The following TMPRSS11D variants were observed in gnomAD, a reference collection of about 807,000 sequenced individuals.
The protein encoded by TMPRSS11D is transmembrane protease serine 11D.
A neutral mutation model predicts 44.4 loss-of-function variants in TMPRSS11D; 32 were observed. The observed-to-expected ratio is 0.72, with a 90% CI of 0.54 to 0.97. The LOEUF is 0.97. TMPRSS11D is among the 50% of genes least tolerant of loss of function. The probability of loss-of-function intolerance (pLI) is 0.00; values close to 1 mark genes in which losing one functional copy is unlikely to be tolerated. For missense variants in TMPRSS11D, 446 were observed against 502.6 expected, an observed-to-expected ratio of 0.89 and a Z score of 1.08; for synonymous variants, 179 against 177.9, an observed-to-expected ratio of 1.01 and a Z score of -0.05.
In TMPRSS11D at chr4:67,822,509, A is replaced by T; in HGVS notation, c.1096-11T>A. 6.2e-7 allele frequency: 1 copy of T among 1,613,698 alleles called. No homozygotes were observed. Among genetic ancestry groups the T allele is most frequent in the Non-Finnish European group, 8.5e-7 (1 of 1,179,758 alleles). ...GCCACCAGAGTCACCCTGTAAAAAA[A>T]CAGAATGACTGATTACTTAAGTGCA... On this transcript the variant is annotated splice_polypyrimidine_tract_variant and intron_variant, in intron 9 of 9. Coordinates refer to ENST00000283916, the MANE Select transcript of TMPRSS11D (RefSeq NM_004262.3).
intron 7 of TMPRSS11D, among the ~76,000 whole-genome samples, chr4:67,829,240 C>T (rs796757913): frequency 1.2e-4 from 18 of 152,028 alleles, no homozygotes; most frequent in East Asian, 5.8e-4. Context: ...TAGGGATGGA[C>T]GATATGGCTG....
At chr4:67,850,746 C>T (rs1303153714) in intron 3 of TMPRSS11D, among the ~76,000 whole-genome samples, 1 of 152,172 alleles carries the variant, frequency 6.6e-6, no homozygotes, top group African/African-American at 2.4e-5. Flanking sequence ...TGTGCACTTG[C>T]GTGTGTGCCT....
chr4:67,859,706 T>C (rs755028407), intron 1 of TMPRSS11D, 28 bp from the exon 2 acceptor site: 38 of 1,609,898 alleles, frequency 2.4e-5, no homozygotes, highest in Non-Finnish European at 3.1e-5. Context: ...TCAAAGAAAG[T>C]CATTCATTTC....
intron 1 of TMPRSS11D, among the ~76,000 whole-genome samples, chr4:67,865,526 A>C (rs965961915): frequency 6.6e-6 from 1 of 151,638 alleles, no homozygotes; most frequent in Non-Finnish European, 1.5e-5. Context: ...ACAAAGGATC[A>C]ATGAAAGAAA....
chr4:67,838,120 T>C (rs1189103875), intron 5 of TMPRSS11D, 52 bp downstream of exon 5: 13 of 1,375,076 alleles, frequency 9.5e-6, no homozygotes, highest in Non-Finnish European at 1.2e-5. Flanking sequence ...TTTGAATTGG[T>C]AAACTTGAGG....
chr4:67,850,519 G>A (rs181939241), intron 3 of TMPRSS11D, among the ~76,000 whole-genome samples: 13 of 152,218 alleles, frequency 8.5e-5, no homozygotes, highest in Admixed American at 5.9e-4. Context: ...GAAGTCCAAG[G>A]GATGTTAAGG....
intron 1 of TMPRSS11D, among the ~76,000 whole-genome samples, chr4:67,881,105 C>T (rs185977446): frequency 6.6e-6 from 1 of 152,136 alleles, no homozygotes; most frequent in Non-Finnish European, 1.5e-5. Flanking sequence ...CTTCTTTGCT[C>T]AAAAGAATGG....
In TMPRSS11D at chr4:67,821,425, C is replaced by G. The variant is rs1179943858; in HGVS notation, c.*912G>C. 1 of 152,064 alleles carries G rather than the reference C, an allele frequency of 6.6e-6. No individual in the cohort carries two copies. The highest frequency in any genetic ancestry group is 2.4e-5 in the African/African-American group (1 of 41,382). 9.4% of individuals were successfully genotyped at this position (152,064 alleles called of 1,614,324 possible). ...TACTTAGATTTAGCGTTTGACGACC[C>G]TTTTACGCTCAAAAATATAACTGCC... On this transcript the variant is annotated 3_prime_UTR_variant, in exon 10 of 10. Coordinates refer to ENST00000283916, the MANE Select transcript of TMPRSS11D (RefSeq NM_004262.3).
chr4:67,835,236 G>C, intron 5 of TMPRSS11D, 115 bp from the exon 6 acceptor site: 1 of 984,738 alleles, frequency 1.0e-6, no homozygotes, highest in Non-Finnish European at 1.5e-6. Context: ...GTTGGGGTTG[G>C]GAGGTGGTCC....
rs980399969 is a variant in TMPRSS11D, at chr4:67,870,538, G to A, written c.9-10860C>T. On this transcript the variant is annotated intron_variant, in intron 1 of 9. Coordinates refer to ENST00000283916, the MANE Select transcript of TMPRSS11D (RefSeq NM_004262.3). Reference sequence around the variant, plus strand: ...CTATTAAAAATTGCACCTCCGGCCGGGCGCGGTGGCCCACGCCTGTAATCC... The same window carrying A: ...CTATTAAAAATTGCACCTCCGGCCGAGCGCGGTGGCCCACGCCTGTAATCC... Among the ~76,000 whole-genome samples the A allele has an allele frequency of 2.0e-5, 3 of 151,948 alleles. No individual in the cohort carries two copies. In the South Asian group the frequency reaches 6.2e-4, roughly 32 times the overall value.
At chr4:67,858,310 A>G (rs1269377067) in intron 2 of TMPRSS11D, among the ~76,000 whole-genome samples, 1 of 152,180 alleles carries the variant, frequency 6.6e-6, no homozygotes, top group Non-Finnish European at 1.5e-5. Flanking sequence ...CAGTTTGCAG[A>G]TGACTTACCA....
intron 1 of TMPRSS11D, among the ~76,000 whole-genome samples, chr4:67,877,465 A>G (rs1231579102): frequency 1.3e-5 from 2 of 152,160 alleles, no homozygotes; most frequent in Non-Finnish European, 2.9e-5. Context: ...ATAAACCAAA[A>G]ATTACGCCTG....
chr4:67,875,386 C>G (rs939407477), intron 1 of TMPRSS11D, among the ~76,000 whole-genome samples: 2 of 152,172 alleles, frequency 1.3e-5, no homozygotes, highest in African/African-American at 4.8e-5. Context: ...TTCTTCATCA[C>G]CTTCACACCG....
intron 3 of TMPRSS11D, among the ~76,000 whole-genome samples, chr4:67,848,633 T>G (rs1371025926): frequency 6.6e-6 from 1 of 152,234 alleles, no homozygotes; most frequent in Non-Finnish European, 1.5e-5. Flanking sequence ...AAATGCTTAT[T>G]GAGCTGAGAT....
At chr4:67,843,179 G>A (rs140648561) in intron 3 of TMPRSS11D, among the ~76,000 whole-genome samples, 83 of 143,916 alleles carry the variant, frequency 5.8e-4, no homozygotes, top group African/African-American at 2.0e-3. Flanking sequence ...GCATTAGTTG[G>A]TAATTTCTTT....
intron 2 of TMPRSS11D, among the ~76,000 whole-genome samples, chr4:67,854,605 T>C (rs991113547): frequency 2.0e-5 from 3 of 152,202 alleles, no homozygotes; most frequent in Non-Finnish European, 2.9e-5. Flanking sequence ...ATATTCTTTA[T>C]TGAGGAGTTA....
At chr4:67,874,192 C>A (rs998843271) in intron 1 of TMPRSS11D, among the ~76,000 whole-genome samples, 1 of 152,070 alleles carries the variant, frequency 6.6e-6, no homozygotes, top group African/African-American at 2.4e-5. Flanking sequence ...TAGGTTATAT[C>A]ATCTAGGTGC....
chr4:67,846,938 C>T (rs922519573), intron 3 of TMPRSS11D, among the ~76,000 whole-genome samples: 1 of 150,554 alleles, frequency 6.6e-6, no homozygotes, highest in Non-Finnish European at 1.5e-5. Flanking sequence ...CAGAGTCTCA[C>T]TCTGTTGCCC....
At chr4:67,871,931 CT>C (rs1719069914) in intron 1 of TMPRSS11D, among the ~76,000 whole-genome samples, 2 of 152,250 alleles carry the variant, frequency 1.3e-5, no homozygotes, top group South Asian at 4.2e-4. Context: ...GGGAGCAATA[CT>C]TTGTTGACTC....
Sources: allele counts gnomAD v4.1 joint callset (sites outside exome capture counted in the v4.1 genomes callset), GRCh38; gene constraint gnomAD v4.1.1; transcripts MANE v1.5; gene names NCBI Gene and HGNC (gene_info 2026-07-23, HGNC 2026-07-21).